The following WDR75 variants were observed in gnomAD, a reference collection of about 807,000 sequenced individuals.
WDR75 encodes WD repeat domain 75.
A neutral mutation model predicts 106.1 loss-of-function variants in WDR75; 52 were observed. The observed-to-expected ratio is 0.49, with a 90% CI of 0.39 to 0.62. The LOEUF (loss-of-function observed/expected upper bound fraction) is 0.62. Ranked by LOEUF, WDR75 falls within the 20% of genes least tolerant of loss-of-function variation. WDR75 has a pLI of 0.00. For synonymous variants in WDR75, 333 were observed against 335.5 expected (o/e 0.99, Z 0.08); for missense variants, 905 against 970.3 (o/e 0.93, Z 0.89).
intron 2 of WDR75, chr2:189,450,457 A>G (rs1482640494): frequency 7.1e-6 from 6 of 847,066 alleles, no homozygotes; most frequent in South Asian, 4.9e-5. Flanking sequence ...CAGCCTCCCA[A>G]GTAGCTAGGA....
At chr2:189,443,622 G>T (rs952580503) in intron 1 of WDR75, among the ~76,000 whole-genome samples, 2 of 152,144 alleles carry the variant, frequency 1.3e-5, no homozygotes. Flanking sequence ...AAAGTACAGT[G>T]ATGGCATAGA....
rs889798647 is a variant in WDR75, at chr2:189,470,396, C to G, written c.1989+151C>G. 1.3e-5 allele frequency: 10 copies of G among 784,834 alleles called. No individual in the cohort carries two copies. The Admixed American group carries it at 2.9e-4, about 22-fold the overall frequency. 48.6% of individuals were successfully genotyped at this position (784,834 alleles called of 1,614,324 possible). A position where few individuals can be genotyped will look rare whatever the true frequency, so the allele number is the denominator to read the frequency against. On this transcript the variant is annotated intron_variant, in intron 17 of 20. Transcript: ENST00000314761. Reference sequence around the variant, plus strand: ...TTGTCTAATATGCTCAGTACAGCAGCATTATTAATGTAAATGTATTACCGT... The same window carrying G: ...TTGTCTAATATGCTCAGTACAGCAGGATTATTAATGTAAATGTATTACCGT...
At chr2:189,459,761 C>T (rs1204952970) in intron 8 of WDR75, among the ~76,000 whole-genome samples, 1 of 152,190 alleles carries the variant, frequency 6.6e-6, no homozygotes, top group Non-Finnish European at 1.5e-5. Context: ...ACTATTCTAA[C>T]ACTACATCCA....
Position 189,451,811 on chromosome 2 carries a change from A to G in WDR75, c.289A>G (p.Ile97Val). ...GGTGCTCTTTATCTTTCAGACTTTC[A>G]TAGTTGGATGTAAACTTCATGCCCT... ...YIDGILIKTF[I>V]VGCKLHALFT... The change falls in exon 4 of 21, where the codon ATA becomes GTA. Residue 97 changes from isoleucine (I) to valine (V), a missense_variant. Ile to Val is a conservative substitution (Grantham distance 29). Transcript: ENST00000314761. 1.2e-6 allele frequency: 2 copies of G among 1,613,488 alleles called. No individual in the cohort carries two copies. The highest frequency in any genetic ancestry group is 1.7e-6 in the Non-Finnish European group (2 of 1,179,654).
At chr2:189,456,672 G>A (rs111411243) in intron 5 of WDR75, among the ~76,000 whole-genome samples, 15 of 152,242 alleles carry the variant, frequency 9.9e-5, no homozygotes, top group African/African-American at 3.1e-4. Flanking sequence ...GGAAGGAAAT[G>A]TTCTAGATCC....
intron 6 of WDR75, 123 bp from the exon 7 acceptor site, chr2:189,458,630 T>A: frequency 1.3e-6 from 1 of 757,154 alleles, no homozygotes; most frequent in Non-Finnish European, 1.9e-6. Flanking sequence ...TGCAGTTATA[T>A]TTATTGAATT....
chr2:189,474,136 A>G, intron 18 of WDR75, 50 bp from the exon 19 acceptor site: 1 of 1,568,198 alleles, frequency 6.4e-7, no homozygotes, highest in South Asian at 1.2e-5. Flanking sequence ...AGTCAAACAC[A>G]GTTCTTCCTT....
At chr2:189,441,641 A>C (rs536955769) in intron 1 of WDR75, 63 bp downstream of exon 1, 2 of 1,526,116 alleles carry the variant, frequency 1.3e-6, no homozygotes, top group South Asian at 2.4e-5. Context: ...AGGGTCGGGG[A>C]GAAGGAATTG....
In WDR75 at chr2:189,474,290, G is replaced by A. The variant is rs1382907935; in HGVS notation, c.2154G>A (p.Leu718=). The part of the protein sequence containing the change: ...EKLNETLENE[L]VQLPLTENIP... Reference sequence around the variant, plus strand: ...TAAACGAAACTTTAGAGAATGAGCTGGTACAACTACCCTTAACAGAAAACA... The same window carrying A: ...TAAACGAAACTTTAGAGAATGAGCTAGTACAACTACCCTTAACAGAAAACA... Residue 718 remains leucine, a synonymous_variant, in exon 19 of 21, where the codon CTG becomes CTA. Coordinates refer to ENST00000314761, the MANE Select transcript of WDR75 (RefSeq NM_032168.3). The A allele has an allele frequency of 6.2e-7, 1 of 1,613,110 alleles. No homozygotes were observed. The highest frequency in any genetic ancestry group is 8.5e-7 in the Non-Finnish European group (1 of 1,179,544).
At chr2:189,451,600 A>C (rs1455595092) in intron 3 of WDR75, among the ~76,000 whole-genome samples, 2 of 152,250 alleles carry the variant, frequency 1.3e-5, no homozygotes, top group African/African-American at 2.4e-5. Flanking sequence ...TGATACATTC[A>C]GTACAATACC....
At chr2:189,465,963 G>A (rs1686990357) in intron 12 of WDR75, among the ~76,000 whole-genome samples, 1 of 152,128 alleles carries the variant, frequency 6.6e-6, no homozygotes, top group Non-Finnish European at 1.5e-5. Context: ...AAGTCATTTA[G>A]GTGACTAAAA....
Position 189,467,489 on chromosome 2 carries a change from G to A in WDR75, c.1469G>A (p.Cys490Tyr), listed in dbSNP as rs1687026749. ...DIYKKAVGWTCDFVGSYHKYQ... is the reference protein window; with the variant it reads ...DIYKKAVGWTYDFVGSYHKYQ... ...ACAGAAAAAGCTGTTGGCTGGACCTGTGACTTTGTTGGTAGTTATCACAAG... is the reference window on the plus strand; with the variant it reads ...ACAGAAAAAGCTGTTGGCTGGACCTATGACTTTGTTGGTAGTTATCACAAG... The change falls in exon 14 of 21, where the codon TGT (cysteine) becomes TAT (tyrosine). Residue 490 changes from cysteine (C) to tyrosine (Y), a missense_variant. Physicochemically the swap from Cys to Tyr is radical, Grantham distance 194. Transcript: ENST00000314761. The A allele has an allele frequency of 6.2e-7, 1 of 1,601,244 alleles. No individual in the cohort carries two copies. The highest frequency in any genetic ancestry group is 1.3e-5 in the African/African-American group (1 of 74,312).
At chr2:189,459,190 A>G in intron 7 of WDR75, 146 bp from the exon 8 acceptor site, 1 of 641,226 alleles carries the variant, frequency 1.6e-6, no homozygotes, top group Non-Finnish European at 2.5e-6. Flanking sequence ...TCTGGTTAGA[A>G]ATAGAAAATG....
At chr2:189,458,950 G>T in intron 7 of WDR75, 78 bp downstream of exon 7, 1 of 1,432,712 alleles carries the variant, frequency 7.0e-7, no homozygotes, top group Non-Finnish European at 9.2e-7. Flanking sequence ...GCTATCTCTG[G>T]GTCCCAAGAA....
At chr2:189,455,098 A>T (rs922241925) in intron 4 of WDR75, among the ~76,000 whole-genome samples, 1 of 152,002 alleles carries the variant, frequency 6.6e-6, no homozygotes, top group African/African-American at 2.4e-5. Flanking sequence ...AAAATTAGCC[A>T]GGCTTGATGT....
chr2:189,462,486 A>C lies in WDR75; in HGVS notation c.781A>C (p.Thr261Pro), dbSNP rs777369715. Residue 261 changes from threonine to proline, a missense_variant and splice_region_variant, in exon 9 of 21, where the codon ACC becomes CCC. Coordinates refer to ENST00000314761, the MANE Select transcript of WDR75 (RefSeq NM_032168.3). ...VMDLAFSVTG[T>P]SLLSGGRESV... Reference sequence around the variant, plus strand: ...AATTTCCTTGAATGGATATGAAGGCACCAGTCTGCTGAGTGGCGGTCGTGA... The same window carrying C: ...AATTTCCTTGAATGGATATGAAGGCCCCAGTCTGCTGAGTGGCGGTCGTGA... 6.2e-7 allele frequency: 1 copy of C among 1,613,694 alleles called. No individual in the cohort carries two copies. The highest frequency in any genetic ancestry group is 1.1e-5 in the South Asian group (1 of 91,028).
intron 2 of WDR75, chr2:189,450,388 T>A: frequency 1.0e-6 from 1 of 970,048 alleles, no homozygotes; most frequent in Admixed American, 6.2e-5. Flanking sequence ...CTGGAGAGTC[T>A]CACTCTGTCT....
At chr2:189,471,459 A>G (rs1181240932) in intron 18 of WDR75, among the ~76,000 whole-genome samples, 1 of 152,236 alleles carries the variant, frequency 6.6e-6, no homozygotes, top group Non-Finnish European at 1.5e-5. Context: ...CCATGTAGTA[A>G]TAGGCAGATT....
In WDR75 at chr2:189,459,513, A is replaced by C. The variant is rs1229428805; in HGVS notation, c.778+89A>C. 3 of 1,267,860 alleles carry C rather than the reference A, an allele frequency of 2.4e-6. No individual in the cohort carries two copies. The Admixed American group carries it at 5.8e-5, about 24-fold the overall frequency. The allele number at this position is 1,267,860 out of a possible 1,614,324, so 78.5% of individuals were successfully genotyped here. A position where few individuals can be genotyped will look rare whatever the true frequency, so the allele number is the denominator to read the frequency against. On this transcript the variant is annotated intron_variant, in intron 8 of 20. Transcript: ENST00000314761. Reference sequence around the variant, plus strand: ...TGTATTTTTAGTTTGGAAGATTTAAAACTGCATGAGCCAAATGAATTCCAA... The same window carrying C: ...TGTATTTTTAGTTTGGAAGATTTAACACTGCATGAGCCAAATGAATTCCAA...
Sources: allele counts gnomAD v4.1 joint callset (sites outside exome capture counted in the v4.1 genomes callset), GRCh38; gene constraint gnomAD v4.1.1; transcripts MANE v1.5; gene names NCBI Gene and HGNC (gene_info 2026-07-23, HGNC 2026-07-21).